C2CD2: variants seen among roughly 807,000 people sequenced by gnomAD.
C2CD2 encodes C2 domain-containing protein 2.
C2CD2 carries 43 observed loss-of-function variants against 74.3 expected under a neutral mutation model. The observed-to-expected ratio is 0.58, with a 90% CI of 0.45 to 0.75. The LOEUF is 0.75. C2CD2 is among the 30% of genes least tolerant of loss of function. The pLI, the probability that C2CD2 is intolerant of heterozygous loss-of-function variation, is 0.00. For synonymous variants in C2CD2, 422 were observed against 390.7 expected (o/e 1.08, Z -0.94); for missense variants, 801 against 916.3 (o/e 0.87, Z 1.63).
rs538183413 is a variant in C2CD2 at position 41,886,616 on chromosome 21, A to G, written c.*2508T>C. 1.3e-5 allele frequency: 2 copies of G among 152,282 alleles called. No homozygotes were observed. The highest frequency in any genetic ancestry group is 1.9e-4 in the East Asian group (1 of 5,172). The allele number at this position is 152,282 out of a possible 1,614,324, so 9.4% of individuals were successfully genotyped here. On this transcript the variant is annotated 3_prime_UTR_variant, in exon 14 of 14. Transcript: ENST00000380486. ...CCCTAGACCTTGGTATTCAACAGTA[A>G]GCAGCGCTCATGGGATTCATCTGGA...
chr21:41,933,769 G>A (rs999780291), intron 2 of C2CD2, among the ~76,000 whole-genome samples: 7 of 152,188 alleles, frequency 4.6e-5, no homozygotes, highest in African/African-American at 1.4e-4. Context: ...TCACAGCCCC[G>A]TGAAAGGGGA....
chr21:41,930,572 C>T (rs1467701068), intron 2 of C2CD2, among the ~76,000 whole-genome samples: 3 of 149,342 alleles, frequency 2.0e-5, no homozygotes, highest in Admixed American at 1.3e-4. Flanking sequence ...CGTGGTGACA[C>T]GTGCCTGTAG....
rs2064692354 is a variant in C2CD2 at position 41,887,018 on chromosome 21, T to G, written c.*2106A>C. 6.6e-6 allele frequency: 1 copy of G among 152,180 alleles called. No individual in the cohort carries two copies. Among genetic ancestry groups the G allele is most frequent in the South Asian group, 2.1e-4 (1 of 4,832 alleles). 9.4% of individuals were successfully genotyped at this position (152,180 alleles called of 1,614,324 possible). A position where few individuals can be genotyped will look rare whatever the true frequency, so the allele number is the denominator to read the frequency against. The stretch of plus-strand genomic sequence containing the variant: ...AAAAAAACTTCTGATATCCTTGCAC[T>G]TGAATAGAGTGCACCTGAATTCCAA... On this transcript the variant is annotated 3_prime_UTR_variant, in exon 14 of 14. Transcript: ENST00000380486.
rs2064688984 is a variant in C2CD2 at position 41,886,754 on chromosome 21, G to T, written c.*2370C>A. The stretch of plus-strand genomic sequence containing the variant: ...AATCCCAGCACGCTGGGAGGCCAAG[G>T]TGGGTGGATCACCTGAGGTCAGGAG... On this transcript the variant is annotated 3_prime_UTR_variant, in exon 14 of 14. Coordinates refer to ENST00000380486, the MANE Select transcript of C2CD2 (RefSeq NM_015500.2). 1 of 152,144 alleles carries T rather than the reference G, an allele frequency of 6.6e-6. No individual in the cohort carries two copies. Among genetic ancestry groups the T allele is most frequent in the Admixed American group, 6.5e-5 (1 of 15,280 alleles). 9.4% of individuals were successfully genotyped at this position (152,144 alleles called of 1,614,324 possible). A position where few individuals can be genotyped will look rare whatever the true frequency, so the allele number is the denominator to read the frequency against.
rs1456962909 is a variant in C2CD2 at position 41,922,992 on chromosome 21, C to A, written c.379-907G>T. 3.0e-5 allele frequency among the ~76,000 whole-genome samples: 3 copies of A among 100,616 alleles called. No homozygotes were observed. The East Asian group carries it at 9.2e-4, about 31-fold the overall frequency. The allele number at this position is 100,616 out of a possible 152,430, so 66.0% of individuals were successfully genotyped here. On this transcript the variant is annotated intron_variant, in intron 2 of 13. Coordinates refer to ENST00000380486, the MANE Select transcript of C2CD2 (RefSeq NM_015500.2). ...ATGCGCTTTCCACATGTAATACAGT[C>A]TTTTTCCTTTTTTTTTTTTTGGAGA...
chr21:41,907,692 CG>C lies in C2CD2; in HGVS notation c.1110del (p.Cys370TrpfsTer21). ...GTGACCGAGCCCAGCACCGAGCTGCCGCAGGCAGACCCGCTGGTCAGCGTGA... is the reference window on the plus strand; with the variant it reads ...GTGACCGAGCCCAGCACCGAGCTGCCCAGGCAGACCCGCTGGTCAGCGTGA... The part of the protein sequence containing the change: ...QSFTLTSGSA[C>X]GSSVLGSVTA... On this transcript the variant is annotated frameshift_variant, in exon 9 of 14. Transcript: ENST00000380486. LOFTEE classifies it high-confidence loss of function. 1 of 1,612,412 alleles carries C rather than the reference CG, an allele frequency of 6.2e-7. No individual in the cohort carries two copies. The highest frequency in any genetic ancestry group is 8.5e-7 in the Non-Finnish European group (1 of 1,179,786).
intron 5 of C2CD2, 96 bp downstream of exon 5, chr21:41,918,009 T>G: frequency 7.0e-7 from 1 of 1,427,588 alleles, no homozygotes; most frequent in Non-Finnish European, 9.7e-7. Context: ...CCATGGGAGG[T>G]GGAGGAACGC....
At chr21:41,898,813 T>C (rs1285135488) in intron 13 of C2CD2, among the ~76,000 whole-genome samples, 2 of 152,158 alleles carry the variant, frequency 1.3e-5, no homozygotes, top group Non-Finnish European at 2.9e-5. Context: ...CCTCTATGCA[T>C]GGACACACAC....
intron 13 of C2CD2, among the ~76,000 whole-genome samples, chr21:41,893,075 G>A (rs1275919633): frequency 6.6e-6 from 1 of 152,230 alleles, no homozygotes; most frequent in Non-Finnish European, 1.5e-5. Flanking sequence ...GGGAGGCTGA[G>A]GTTTGGAGAA....
At chr21:41,920,435 T>C (rs751756826) in intron 3 of C2CD2, among the ~76,000 whole-genome samples, 7 of 152,240 alleles carry the variant, frequency 4.6e-5, no homozygotes, top group Non-Finnish European at 1.0e-4. Flanking sequence ...GTAAGTGGAC[T>C]CTCACCTCAT....
At chr21:41,896,324 G>A (rs1375721554) in intron 13 of C2CD2, among the ~76,000 whole-genome samples, 1 of 152,222 alleles carries the variant, frequency 6.6e-6, no homozygotes, top group Non-Finnish European at 1.5e-5. Context: ...CAGAGTGGAC[G>A]TGGGTAAGGG....
chr21:41,926,491 G>T lies in C2CD2; in HGVS notation c.379-4406C>A. ...GGAAAACAAGACTGAAGGCTGAAGA[G>T]CAGGCTGAGCGGGGAGGCCTTCATT... is the stretch of plus-strand genomic sequence containing the variant. On this transcript the variant is annotated intron_variant, in intron 2 of 13. Transcript: ENST00000380486. The surrounding 1 kb of genome is among the most constrained non-coding windows in gnomAD (Gnocchi z 8.0). 1.4e-6 allele frequency: 1 copy of T among 739,296 alleles called. No homozygotes were observed. 45.8% of individuals were successfully genotyped at this position (739,296 alleles called of 1,614,324 possible).
intron 1 of C2CD2, among the ~76,000 whole-genome samples, chr21:41,946,714 C>G (rs1035644946): frequency 6.6e-6 from 1 of 152,194 alleles, no homozygotes; most frequent in Non-Finnish European, 1.5e-5. Context: ...ATGACCCCAG[C>G]AGAAGTCACC....
chr21:41,905,898 C>G (rs994897066), intron 10 of C2CD2, 61 bp from the exon 11 acceptor site: 23 of 929,542 alleles, frequency 2.5e-5, no homozygotes, highest in Non-Finnish European at 3.8e-5. Flanking sequence ...CAACAGTTAC[C>G]GAAAAGTGAA....
Position 41,905,731 on chromosome 21 carries a change from TGAA to T in C2CD2, c.1422_1424del (p.Ser475del). The T allele has an allele frequency of 6.3e-7, 1 of 1,587,346 alleles. No homozygotes were observed. Among genetic ancestry groups the T allele is most frequent in the Non-Finnish European group, 8.6e-7 (1 of 1,156,786 alleles). ...TGGGCGTGTCTCAGTTACCTGTGTCTGAAGAAGAGAGTGTTTTGCTGACGGGGG... is the reference window on the plus strand; with the variant it reads ...TGGGCGTGTCTCAGTTACCTGTGTCTGAAGAGAGTGTTTTGCTGACGGGGG... On this transcript the variant is annotated inframe_deletion, in exon 11 of 14. Transcript: ENST00000380486.
In C2CD2 at chr21:41,918,836, A is replaced by G; in HGVS notation, c.597+20T>C. The G allele has an allele frequency of 6.3e-7, 1 of 1,591,230 alleles. No homozygotes were observed. Among genetic ancestry groups the G allele is most frequent in the Non-Finnish European group, 8.6e-7 (1 of 1,159,452 alleles). ...GCGTTCTCACGCCAATGGAAGAATC[A>G]TAAAAACTTACGGACTGACCTCCCC... On this transcript the variant is annotated intron_variant, in intron 4 of 13. Coordinates refer to ENST00000380486, the MANE Select transcript of C2CD2 (RefSeq NM_015500.2).
chr21:41,905,348 C>A (rs1281010561), intron 11 of C2CD2, among the ~76,000 whole-genome samples: 2 of 132,302 alleles, frequency 1.5e-5, no homozygotes, highest in Non-Finnish European at 3.0e-5. Context: ...GACAGGGTCT[C>A]GCTCTGTCAC....
chr21:41,948,893 C>T (rs9982055), intron 1 of C2CD2, among the ~76,000 whole-genome samples: 71,478 of 97,126 alleles, frequency 0.74, 24,765 homozygotes, highest in Non-Finnish European at 0.82. Context: ...TTTTTTTTTT[C>T]TTTTTTTTTA....
At chr21:41,949,690 C>CGT (rs1431348084) in intron 1 of C2CD2, among the ~76,000 whole-genome samples, 1 of 152,204 alleles carries the variant, frequency 6.6e-6, no homozygotes, top group Admixed American at 6.5e-5. Context: ...CACATGCACA[C>CGT]ATGTTTATTG....
Sources: allele counts gnomAD v4.1 joint callset (sites outside exome capture counted in the v4.1 genomes callset), GRCh38; gene constraint gnomAD v4.1.1; non-coding constraint Gnocchi (gnomAD v3.1); transcripts MANE v1.5; gene names NCBI Gene and HGNC (gene_info 2026-07-23, HGNC 2026-07-21).